The following ACP3 variants were observed in gnomAD, a reference collection of about 807,000 sequenced individuals.
ACP3 encodes acid phosphatase 3, also known as prostatic acid phosphatase.
ACP3 carries 38 observed loss-of-function variants against 45.6 expected under a neutral mutation model. The observed-to-expected ratio is 0.83, with a 90% CI of 0.64 to 1.09. The LOEUF is 1.09. ACP3 is among the 50% of genes least tolerant of loss of function. ACP3 has a pLI of 0.00. For synonymous variants in ACP3, 162 were observed against 164.7 expected (o/e 0.98, Z 0.13); for missense variants, 466 against 463.2 (o/e 1.01, Z -0.05).
intron 10 of ACP3, among the ~76,000 whole-genome samples, chr3:132,367,466 C>T (rs1008046547): frequency 6.6e-6 from 1 of 152,148 alleles, no homozygotes; most frequent in Admixed American, 6.5e-5. Context: ...TAATTACCCT[C>T]CCTTTTCAGT....
chr3:132,324,870 T>C (rs965040206), intron 1 of ACP3, among the ~76,000 whole-genome samples: 1 of 152,174 alleles, frequency 6.6e-6, no homozygotes, highest in Admixed American at 6.5e-5. Context: ...CTTGATCTCC[T>C]GACCTCATGA....
intron 8 of ACP3, among the ~76,000 whole-genome samples, chr3:132,351,385 G>C (rs1426259188): frequency 6.6e-6 from 1 of 152,216 alleles, no homozygotes; most frequent in African/African-American, 2.4e-5. Flanking sequence ...GCTGCCCATG[G>C]AGTCTGGGAT....
chr3:132,322,208 T>TAA (rs1301304193), intron 1 of ACP3, among the ~76,000 whole-genome samples: 1 of 152,172 alleles, frequency 6.6e-6, no homozygotes, highest in East Asian at 1.9e-4. Flanking sequence ...AATACACAGT[T>TAA]TTTACAGCTT....
intron 1 of ACP3, among the ~76,000 whole-genome samples, chr3:132,325,595 A>AACACACAC (rs138017217): frequency 1.2e-4 from 17 of 143,740 alleles, no homozygotes; most frequent in African/African-American, 3.4e-4. Context: ...TCTGATACAA[A>AACACACAC]ACACACACAC....
At chr3:132,350,352 G>C (rs552406724) in intron 8 of ACP3, among the ~76,000 whole-genome samples, 31 of 152,276 alleles carry the variant, frequency 2.0e-4, no homozygotes, top group African/African-American at 7.5e-4. Flanking sequence ...AAATGAAAGG[G>C]GTTAGTAAGT....
intron 9 of ACP3, among the ~76,000 whole-genome samples, chr3:132,356,429 C>A (rs1004605185): frequency 1.1e-4 from 16 of 152,260 alleles, no homozygotes; most frequent in South Asian, 4.1e-4. Context: ...TTCTCACCAC[C>A]TCCTCTGATT....
chr3:132,357,692 G>A lies in ACP3; in HGVS notation c.*814G>A, dbSNP rs765876801. 89 of 985,240 alleles carry A rather than the reference G, an allele frequency of 9.0e-5. No individual in the cohort carries two copies. The highest frequency in any genetic ancestry group is 1.1e-4 in the East Asian group (1 of 8,820). 61.0% of individuals were successfully genotyped at this position (985,240 alleles called of 1,614,324 possible). A position where few individuals can be genotyped will look rare whatever the true frequency, so the allele number is the denominator to read the frequency against. ...AACACATCAGGAAAGAGAGCACCAC[G>A]TGATGGAGTTTCTCTAGAAGCTCCA... On this transcript the variant is annotated 3_prime_UTR_variant, in exon 10 of 10. Transcript: ENST00000336375.
chr3:132,323,181 A>AG (rs1937235813), intron 1 of ACP3, among the ~76,000 whole-genome samples: 1 of 152,050 alleles, frequency 6.6e-6, no homozygotes, highest in Non-Finnish European at 1.5e-5. Context: ...AAAAAAAAAA[A>AG]GCACACATAG....
In ACP3 at chr3:132,356,753, G is replaced by A. The variant is rs747642261; in HGVS notation, c.1036G>A (p.Gly346Ser). The A allele has an allele frequency of 6.2e-7, 1 of 1,614,162 alleles. No homozygotes were observed. The highest frequency in any genetic ancestry group is 1.7e-5 in the Admixed American group (1 of 60,010). The change falls in exon 10 of 10, where the codon GGC (glycine) becomes AGC (serine). Residue 346 changes from glycine to serine, a missense_variant. Physicochemically the swap from Gly to Ser is moderately conservative, Grantham distance 56. Transcript: ENST00000336375. ...CGAGCCGTATCCCCTCATGCTACCT[G>A]GCTGCAGCCCCAGCTGTCCTCTGGA... ...QHEPYPLMLP[G>S]CSPSCPLERF...
intron 5 of ACP3, 80 bp downstream of exon 5, chr3:132,337,634 G>A: frequency 2.3e-6 from 2 of 878,850 alleles, no homozygotes; most frequent in East Asian, 2.5e-5. Context: ...ACAAGATGAA[G>A]CTTTGGCTTC....
Position 132,356,796 on chromosome 3 carries a change from T to C in ACP3, c.1079T>C (p.Val360Ala), listed in dbSNP as rs17850198. The C allele has an allele frequency of 5.6e-6, 9 of 1,614,066 alleles. No homozygotes were observed. In the African/African-American group the frequency reaches 1.2e-4, roughly 22 times the overall value. ...CCTCTGGAGAGGTTTGCTGAGCTGG[T>C]TGGCCCTGTGATCCCTCAAGACTGG... ...SCPLERFAEL[V>A]GPVIPQDWST... The change falls in exon 10 of 10, where the codon GTT becomes GCT. Residue 360 changes from valine (V) to alanine (A), a missense_variant. Transcript: ENST00000336375.
intron 2 of ACP3, among the ~76,000 whole-genome samples, chr3:132,331,416 A>T (rs1450835957): frequency 6.6e-6 from 1 of 152,262 alleles, no homozygotes; most frequent in East Asian, 1.9e-4. Flanking sequence ...GCAAGTCTCT[A>T]TGTTAAGTGC....
intron 7 of ACP3, among the ~76,000 whole-genome samples, chr3:132,346,894 G>C (rs966177927): frequency 6.6e-6 from 1 of 152,202 alleles, no homozygotes; most frequent in Non-Finnish European, 1.5e-5. Context: ...AGTTGAATCA[G>C]GATCTGCATT....
exon 11 of ACP3, chr3:132,367,761 T>C: frequency 6.2e-7 from 1 of 1,613,944 alleles, no homozygotes; most frequent in South Asian, 1.1e-5. Flanking sequence ...CTAATGGTAC[T>C]ACTGTTTATC....
chr3:132,367,740 T>C (rs748438123), exon 11 of ACP3: 15 of 1,613,870 alleles, frequency 9.3e-6, no homozygotes, highest in Non-Finnish European at 1.2e-5. Flanking sequence ...TTTTGCCTGA[T>C]ATCTGCTGTC....
At chr3:132,367,727 G>A in exon 11 of ACP3, 3 of 1,613,256 alleles carry the variant, frequency 1.9e-6, no homozygotes, top group Non-Finnish European at 2.5e-6. Flanking sequence ...CTTTGCTGTT[G>A]CCTTTTGCCT....
rs1294091242 is a variant in ACP3 at position 132,328,306 on chromosome 3, C to T, written c.160C>T (p.Pro54Ser). The T allele has an allele frequency of 6.2e-7, 1 of 1,613,992 alleles. No individual in the cohort carries two copies. The highest frequency in any genetic ancestry group is 1.1e-5 in the South Asian group (1 of 91,086). Residue 54 changes from proline to serine, a missense_variant, in exon 2 of 10, where the codon CCC (proline) becomes TCC (serine). Pro to Ser is a moderately conservative substitution (Grantham distance 74, BLOSUM62 -1). Coordinates refer to ENST00000336375, the MANE Select transcript of ACP3 (RefSeq NM_001099.5). Reference protein sequence around the residue: ...HGDRSPIDTFPTDPIKESSWP... With the variant: ...HGDRSPIDTFSTDPIKESSWP... ...AGACCGAAGTCCCATTGACACCTTT[C>T]CCACTGACCCCATAAAGGAATCCTC...
chr3:132,367,003 T>C (rs1938142542), intron 10 of ACP3, among the ~76,000 whole-genome samples: 2 of 152,182 alleles, frequency 1.3e-5, no homozygotes, highest in African/African-American at 4.8e-5. Context: ...CAAGAAACCC[T>C]ATATTTTTAC....
chr3:132,354,958 G>A (rs938647353), intron 9 of ACP3, among the ~76,000 whole-genome samples: 1 of 152,036 alleles, frequency 6.6e-6, no homozygotes, highest in Admixed American at 6.5e-5. Flanking sequence ...AGATAATTTT[G>A]TCTTCTATAT....
Sources: allele counts gnomAD v4.1 joint callset (sites outside exome capture counted in the v4.1 genomes callset), GRCh38; gene constraint gnomAD v4.1.1; transcripts MANE v1.5; gene names NCBI Gene and HGNC (gene_info 2026-07-23, HGNC 2026-07-21).